Variants in VAC14 observed in about 807,000 individuals in gnomAD.
The protein encoded by VAC14 is protein VAC14 homolog.
Under a neutral mutation model 85.3 loss-of-function variants are expected in VAC14, and 47 were observed. The observed-to-expected ratio is 0.55, with a 90% CI of 0.44 to 0.70. The LOEUF (loss-of-function observed/expected upper bound fraction) is 0.70, where lower values mean the gene tolerates loss of function less well. Among genes scored for constraint, VAC14 ranks in the 30% least tolerant of loss-of-function variants. VAC14 has a pLI of 0.00. For missense variants in VAC14, 861 were observed against 1,004.3 expected (o/e 0.86, Z 1.93); for synonymous variants, 447 against 430.5 (o/e 1.04, Z -0.47).
chr16:70,760,584 C>T (rs1290120537), intron 12 of VAC14, among the ~76,000 whole-genome samples: 2 of 151,594 alleles, frequency 1.3e-5, no homozygotes, highest in Non-Finnish European at 2.9e-5. Flanking sequence ...TCCACACCCT[C>T]CCCAGTGCAG....
At position 70,769,979 on chromosome 16, in the gene VAC14, A is replaced by C. The variant is rs535053670; in HGVS notation, c.1160+2130T>G. 4 of 152,336 alleles carry C rather than the reference A, an allele frequency of 2.6e-5. No individual in the cohort carries two copies. In the East Asian group the frequency reaches 5.8e-4, roughly 22 times the overall value. 9.4% of individuals were successfully genotyped at this position (152,336 alleles called of 1,614,324 possible). On this transcript the variant is annotated intron_variant, in intron 10 of 18. Coordinates refer to ENST00000261776, the MANE Select transcript of VAC14 (RefSeq NM_018052.5). ...TCCACAGCCTCCAGCGCAAAAGCTAAGCCCTCTGCAGGATACACAAGTCCT... is the reference window on the plus strand; with the variant it reads ...TCCACAGCCTCCAGCGCAAAAGCTACGCCCTCTGCAGGATACACAAGTCCT...
At chr16:70,733,600 G>C (rs531358084) in intron 13 of VAC14, among the ~76,000 whole-genome samples, 3 of 152,106 alleles carry the variant, frequency 2.0e-5, no homozygotes, top group Non-Finnish European at 4.4e-5. Flanking sequence ...AGCAAGTTCT[G>C]CTGAGATCTG....
At chr16:70,741,558 T>C (rs1414514855) in intron 13 of VAC14, among the ~76,000 whole-genome samples, 1 of 152,064 alleles carries the variant, frequency 6.6e-6, no homozygotes, top group African/African-American at 2.4e-5. Flanking sequence ...CACACGTGAG[T>C]CTCAGGTTAA....
intron 9 of VAC14, 107 bp downstream of exon 9, chr16:70,780,683 C>T (rs1425362863): frequency 1.2e-5 from 16 of 1,378,248 alleles, no homozygotes; most frequent in Middle Eastern, 2.4e-4. Context: ...GAGTGACATA[C>T]ATAAAGTAGT....
chr16:70,730,701 G>A (rs1207992105), intron 14 of VAC14, among the ~76,000 whole-genome samples: 4 of 151,064 alleles, frequency 2.6e-5, no homozygotes, highest in South Asian at 2.1e-4. Flanking sequence ...GGGTTCAGGC[G>A]ATTTGTGTGT....
chr16:70,742,799 A>T (rs776177455), intron 13 of VAC14, among the ~76,000 whole-genome samples: 2 of 152,224 alleles, frequency 1.3e-5, no homozygotes, highest in Non-Finnish European at 2.9e-5. Flanking sequence ...CTGTGGCGGG[A>T]GGCTGAGGCT....
At chr16:70,771,473 C>G (rs1437262222) in intron 10 of VAC14, 1 of 152,198 alleles carries the variant, frequency 6.6e-6, no homozygotes, top group African/African-American at 2.4e-5. Context: ...TGTCTCACTG[C>G]AGTCACCATG....
At chr16:70,706,327 G>A (rs112451999) in intron 14 of VAC14, among the ~76,000 whole-genome samples, 103 of 152,314 alleles carry the variant, frequency 6.8e-4, no homozygotes, top group African/African-American at 2.4e-3. Flanking sequence ...GGACTCCACC[G>A]GTCTCTCTGC....
intron 14 of VAC14, among the ~76,000 whole-genome samples, chr16:70,711,228 C>T (rs1379859865): frequency 6.6e-6 from 1 of 152,238 alleles, no homozygotes; most frequent in Non-Finnish European, 1.5e-5. Flanking sequence ...TCTCAACAAG[C>T]TTCCGGGGCG....
chr16:70,777,874 G>A (rs2033601718), intron 9 of VAC14, among the ~76,000 whole-genome samples: 1 of 152,242 alleles, frequency 6.6e-6, no homozygotes, highest in African/African-American at 2.4e-5. Context: ...AGAGGGAAGA[G>A]TGAGCAGGAG....
At chr16:70,799,393 T>C (rs2034673745) in intron 1 of VAC14, among the ~76,000 whole-genome samples, 1 of 152,134 alleles carries the variant, frequency 6.6e-6, no homozygotes, top group South Asian at 2.1e-4. Flanking sequence ...TAGATGGTTG[T>C]GGACATACTG....
chr16:70,691,230 A>G (rs975199116), intron 18 of VAC14: 1 of 985,426 alleles, frequency 1.0e-6, no homozygotes, highest in Non-Finnish European at 1.2e-6. Flanking sequence ...GGAGATCAGC[A>G]CTCGGAGACC....
chr16:70,786,402 C>T, intron 1 of VAC14, 37 bp from the exon 2 acceptor site: 1 of 1,603,930 alleles, frequency 6.2e-7, no homozygotes, highest in South Asian at 1.1e-5. Context: ...GGGAATCAGG[C>T]TACCTCTGCT....
chr16:70,796,747 G>A (rs998427843), intron 1 of VAC14, among the ~76,000 whole-genome samples: 1 of 152,130 alleles, frequency 6.6e-6, no homozygotes, highest in Non-Finnish European at 1.5e-5. Context: ...CTTTATATAC[G>A]TGCACTCCCA....
At chr16:70,800,357 G>C (rs966124126) in intron 1 of VAC14, among the ~76,000 whole-genome samples, 2 of 152,134 alleles carry the variant, frequency 1.3e-5, no homozygotes, top group Non-Finnish European at 2.9e-5. Context: ...TTCTCTACTT[G>C]GTCACTAACA....
Position 70,697,227 on chromosome 16 carries a change from G to C in VAC14, c.1867C>G (p.Arg623Gly). The stretch of plus-strand genomic sequence containing the variant: ...GTGACTGGGTTGTGGCACCAGGAGC[G>C]GTACAGGCAGCAGAACAGGTTCTGG... ...ESQNLFCCLY[R>G]SWCHNPVTTV... The change falls in exon 16 of 19, where the codon CGC becomes GGC. Residue 623 changes from arginine (R) to glycine (G), a missense_variant. Coordinates refer to ENST00000261776, the MANE Select transcript of VAC14 (RefSeq NM_018052.5). 6.2e-7 allele frequency: 1 copy of C among 1,613,976 alleles called. No individual in the cohort carries two copies. The highest frequency in any genetic ancestry group is 8.5e-7 in the Non-Finnish European group (1 of 1,179,962).
chr16:70,769,387 C>T (rs1334817721), intron 10 of VAC14: 1 of 152,492 alleles, frequency 6.6e-6, no homozygotes, highest in East Asian at 1.9e-4. Context: ...CTGCACGATC[C>T]CACCCGTGTC....
At chr16:70,781,635 G>A (rs1288177336) in intron 8 of VAC14, among the ~76,000 whole-genome samples, 3 of 152,150 alleles carry the variant, frequency 2.0e-5, no homozygotes, top group African/African-American at 7.2e-5. Flanking sequence ...TGGGGCCCCA[G>A]AGAGCTGCTC....
chr16:70,690,409 C>A, intron 18 of VAC14: 1 of 985,614 alleles, frequency 1.0e-6, no homozygotes, highest in South Asian at 4.7e-5. Context: ...GCCAGCCAGC[C>A]CACAGCACAG....
Sources: gnomAD v4.1 joint callset for allele counts (sites outside exome capture counted in the v4.1 genomes callset) on GRCh38, gnomAD v4.1.1 for gene constraint, MANE v1.5 for transcripts, NCBI Gene and HGNC (gene_info 2026-07-23, HGNC 2026-07-21) for gene names.